FAT1: variants seen among roughly 807,000 people sequenced by gnomAD.
FAT1 encodes FAT atypical cadherin 1, also known as protocadherin Fat 1.
Under a neutral mutation model 329.8 loss-of-function variants are expected in FAT1, and 171 were observed. That is an observed-to-expected ratio of 0.52 (90% CI 0.46 to 0.59). The LOEUF is 0.59. Among genes scored for constraint, FAT1 ranks in the 20% least tolerant of loss-of-function variants. The pLI is 0.00. For synonymous variants in FAT1, 2,233 were observed against 2,228.6 expected (o/e 1.00, Z -0.06); for missense variants, 5,672 against 5,774.4 (o/e 0.98, Z 0.57).
At chr4:186,638,605 A>C (rs1002131802) in intron 4 of FAT1, among the ~76,000 whole-genome samples, 4 of 143,168 alleles carry the variant, frequency 2.8e-5, no homozygotes, top group Non-Finnish European at 6.1e-5. Flanking sequence ...GGGTATTCCC[A>C]GTTCCCAATG....
At chr4:186,693,970 C>T (rs1413154819) in intron 2 of FAT1, among the ~76,000 whole-genome samples, 1 of 151,990 alleles carries the variant, frequency 6.6e-6, no homozygotes, top group Non-Finnish European at 1.5e-5. Context: ...CTCTTCACAA[C>T]ACTCAACCTC....
At chr4:186,693,976 A>T (rs922470288) in intron 2 of FAT1, among the ~76,000 whole-genome samples, 10 of 150,844 alleles carry the variant, frequency 6.6e-5, no homozygotes, top group African/African-American at 2.4e-4. Context: ...ACAACACTCA[A>T]CCTCTCCCAA....
intron 2 of FAT1, among the ~76,000 whole-genome samples, chr4:186,700,185 C>T (rs145308435): frequency 2.0e-5 from 3 of 152,264 alleles, no homozygotes; most frequent in East Asian, 1.9e-4. Flanking sequence ...TTAGCTTTGG[C>T]GTGCAGGCCT....
In FAT1 at chr4:186,617,058, T is replaced by C; in HGVS notation, c.9022A>G (p.Ile3008Val). ...ATDGTFSSKAIVEVKVLDAND... is the reference protein window; with the variant it reads ...ATDGTFSSKAVVEVKVLDAND... The stretch of plus-strand genomic sequence containing the variant: ...GCATCCAGAACTTTCACTTCAACTA[T>C]CGCTTTTGATGAGAAGGTGCCATCA... The change falls in exon 11 of 27, where the codon ATA becomes GTA. Residue 3008 changes from isoleucine to valine, a missense_variant. Ile to Val is a conservative substitution (Grantham distance 29). Transcript: ENST00000441802. 6.2e-7 allele frequency: 1 copy of C among 1,614,002 alleles called. No individual in the cohort carries two copies. Among genetic ancestry groups the C allele is most frequent in the African/African-American group, 1.3e-5 (1 of 75,052 alleles).
chr4:186,597,931 ATAC>A lies in FAT1; in HGVS notation c.12257+38_12257+40del, dbSNP rs780055518. 2.6e-5 allele frequency: 41 copies of A among 1,584,656 alleles called. No homozygotes were observed. The East Asian group carries it at 2.9e-4, about 11-fold the overall frequency. On this transcript the variant is annotated intron_variant, in intron 23 of 26. Coordinates refer to ENST00000441802, the MANE Select transcript of FAT1 (RefSeq NM_005245.4). ...GTACCATTATATGTTTAAGAATTTT[ATAC>A]TACAATTGATTATGAAAGTTAAGAA...
Position 186,589,141 on chromosome 4 carries a change from A to G in FAT1, c.13218T>C (p.Ile4406=). 1 of 1,613,900 alleles carries G rather than the reference A, an allele frequency of 6.2e-7. No individual in the cohort carries two copies. The highest frequency in any genetic ancestry group is 1.1e-5 in the South Asian group (1 of 91,066). Residue 4406 remains isoleucine, a synonymous_variant, in exon 27 of 27, where the codon ATT becomes ATC. Transcript: ENST00000441802. Reference sequence around the variant, plus strand: ...CTGAGTACAGGGGTGTCTGCTCATCAATCACCTCATAGTTGGGGAACTCTT... The same window carrying G: ...CTGAGTACAGGGGTGTCTGCTCATCGATCACCTCATAGTTGGGGAACTCTT... ...DIQEFPNYEV[I]DEQTPLYSAD... is the part of the protein sequence containing the mutation.
intron 2 of FAT1, among the ~76,000 whole-genome samples, chr4:186,699,567 G>C (rs894098290): frequency 6.6e-6 from 1 of 152,186 alleles, no homozygotes; most frequent in Non-Finnish European, 1.5e-5. Flanking sequence ...GTACAGGCAT[G>C]TGCCCTTGAA....
chr4:186,670,413 A>T (rs1742676243), intron 2 of FAT1, among the ~76,000 whole-genome samples: 1 of 152,184 alleles, frequency 6.6e-6, no homozygotes, highest in Non-Finnish European at 1.5e-5. Context: ...CTTTTCTCCA[A>T]TTCAATACCC....
intron 2 of FAT1, among the ~76,000 whole-genome samples, chr4:186,675,374 G>C (rs1334193752): frequency 6.6e-6 from 1 of 152,008 alleles, no homozygotes; most frequent in African/African-American, 2.4e-5. Flanking sequence ...GGCTGAGGCA[G>C]GAGAATCGCT....
intron 1 of FAT1, among the ~76,000 whole-genome samples, chr4:186,722,644 T>C (rs1485106768): frequency 2.0e-5 from 3 of 152,334 alleles, no homozygotes; most frequent in South Asian, 4.1e-4. Context: ...TCATTAAGAA[T>C]AGTGTGAAAA....
chr4:186,589,647 G>A (rs1738143772), intron 26 of FAT1, among the ~76,000 whole-genome samples: 1 of 152,048 alleles, frequency 6.6e-6, no homozygotes, highest in Non-Finnish European at 1.5e-5. Flanking sequence ...CACTTGATCT[G>A]CACTACTTCT....
rs767630301 is a variant in FAT1, at chr4:186,620,961, G to A, written c.5625C>T (p.Cys1875=). 2 of 1,613,710 alleles carry A rather than the reference G, an allele frequency of 1.2e-6. No homozygotes were observed. Among genetic ancestry groups the A allele is most frequent in the South Asian group, 1.1e-5 (1 of 91,086 alleles). Residue 1875 remains cysteine (C), a synonymous_variant, in exon 10 of 27, where the codon TGC becomes TGT. Transcript: ENST00000441802. ...ATAATGGCTTGGCAAACACAGGGGG[G>A]CAGTCATTAATGTCAATTACATGTA... ...VTVHVIDIND[C]PPVFAKPLYE...
rs10561120 is a variant in FAT1, at chr4:186,682,526, C to CAAAAAAAAAAAA, written c.3266-18925_3266-18914dup. Among the ~76,000 whole-genome samples, 268 of 119,576 alleles carry CAAAAAAAAAAAA rather than the reference C, an allele frequency of 2.2e-3. 4 individuals are homozygous for CAAAAAAAAAAAA. Among genetic ancestry groups the CAAAAAAAAAAAA allele is most frequent in the East Asian group, 4.9e-3 (13 of 2,650 alleles). 78.4% of individuals were successfully genotyped at this position (119,576 alleles called of 152,430 possible). On this transcript the variant is annotated intron_variant, in intron 2 of 26. Transcript: ENST00000441802. Reference sequence around the variant, plus strand: ...TGAGTGAAAGAGCGAGACTCTGTCTCAAAAAAAAAAAAAAAAAAGAAAGTT... The same window carrying CAAAAAAAAAAAA: ...TGAGTGAAAGAGCGAGACTCTGTCTCAAAAAAAAAAAAAAAAAAAAAAAAAAAAAAGAAAGTT...
intron 2 of FAT1, among the ~76,000 whole-genome samples, chr4:186,672,844 A>C (rs1334924476): frequency 6.6e-6 from 1 of 152,186 alleles, no homozygotes; most frequent in African/African-American, 2.4e-5. Flanking sequence ...AACTGAACAC[A>C]ACCTGCAAAT....
intron 3 of FAT1, among the ~76,000 whole-genome samples, chr4:186,645,767 G>A (rs1048952772): frequency 1.3e-5 from 2 of 151,568 alleles, no homozygotes; most frequent in Non-Finnish European, 1.5e-5. Context: ...TCAACATGGA[G>A]AAACCCCATC....
intron 2 of FAT1, among the ~76,000 whole-genome samples, chr4:186,689,076 T>C (rs1204910612): frequency 2.6e-5 from 4 of 152,350 alleles, no homozygotes; most frequent in Admixed American, 2.6e-4. Context: ...TTTGAATTAA[T>C]TATACATGTT....
In FAT1 at chr4:186,619,703, C is replaced by A. The variant is rs1322623155; in HGVS notation, c.6883G>T (p.Ala2295Ser). Residue 2295 changes from alanine to serine, a missense_variant, in exon 10 of 27, where the codon GCA (alanine) becomes TCA (serine). Coordinates refer to ENST00000441802, the MANE Select transcript of FAT1 (RefSeq NM_005245.4). Reference sequence around the variant, plus strand: ...ACAACAGACGTTCCAATTACAGATGCCTCAGACAGGGTCACCGCATAAGAC... The same window carrying A: ...ACAACAGACGTTCCAATTACAGATGACTCAGACAGGGTCACCGCATAAGAC... The part of the protein sequence containing the change: ...QQSYAVTLSE[A>S]SVIGTSVVQV... 7 of 1,613,974 alleles carry A rather than the reference C, an allele frequency of 4.3e-6. No homozygotes were observed. The highest frequency in any genetic ancestry group is 5.1e-6 in the Non-Finnish European group (6 of 1,179,896).
At chr4:186,683,354 A>T (rs573650848) in intron 2 of FAT1, among the ~76,000 whole-genome samples, 83 of 151,964 alleles carry the variant, frequency 5.5e-4, no homozygotes, top group Non-Finnish European at 1.0e-3. Flanking sequence ...CACCTTGCAA[A>T]CTGTGGAGTC....
chr4:186,617,556 C>G (rs1739770931), intron 10 of FAT1, among the ~76,000 whole-genome samples, 152 bp downstream of exon 10: 1 of 152,164 alleles, frequency 6.6e-6, no homozygotes, highest in Admixed American at 6.5e-5. Context: ...TGAAATGAGG[C>G]TCAACAGATG....
Sources: allele counts gnomAD v4.1 joint callset (sites outside exome capture counted in the v4.1 genomes callset), GRCh38; gene constraint gnomAD v4.1.1; transcripts MANE v1.5; gene names NCBI Gene and HGNC (gene_info 2026-07-23, HGNC 2026-07-21).